GRXCR1: variants seen among roughly 807,000 people sequenced by gnomAD.
The protein encoded by GRXCR1 is glutaredoxin domain-containing cysteine-rich protein 1.
GRXCR1 carries 27 observed loss-of-function variants against 27.3 expected under a neutral mutation model. That is an observed-to-expected ratio of 0.99 (90% confidence interval 0.73 to 1.37). The LOEUF (loss-of-function observed/expected upper bound fraction) is 1.37. Ranked by LOEUF, GRXCR1 falls within the 40% of genes most tolerant of loss-of-function variation. The probability of loss-of-function intolerance (pLI) is 0.00; values close to 1 mark genes in which losing one functional copy is unlikely to be tolerated. For missense variants in GRXCR1, 379 were observed against 354.4 expected (o/e 1.07, Z -0.56); for synonymous variants, 122 against 131.1 (o/e 0.93, Z 0.47).
At chr4:42,927,922 G>A (rs1747210828) in intron 1 of GRXCR1, among the ~76,000 whole-genome samples, 1 of 151,958 alleles carries the variant, frequency 6.6e-6, no homozygotes, top group Admixed American at 6.6e-5. Flanking sequence ...AGCAGAGAAG[G>A]GAAGAAAACC....
At chr4:42,977,176 C>T (rs1026198713) in intron 2 of GRXCR1, among the ~76,000 whole-genome samples, 11 of 151,922 alleles carry the variant, frequency 7.2e-5, no homozygotes, top group Non-Finnish European at 1.5e-4. Context: ...AATAGTATTC[C>T]ATTGTGTATA....
intron 1 of GRXCR1, among the ~76,000 whole-genome samples, chr4:42,929,147 A>G (rs1560652816): frequency 1.3e-5 from 2 of 152,002 alleles, no homozygotes; most frequent in Non-Finnish European, 2.9e-5. Context: ...CTCTCTTATT[A>G]TATTGTGCAT....
At chr4:42,994,859 G>C (rs555678639) in intron 2 of GRXCR1, among the ~76,000 whole-genome samples, 1 of 152,180 alleles carries the variant, frequency 6.6e-6, no homozygotes, top group East Asian at 1.9e-4. Flanking sequence ...TTGCAATCTA[G>C]ATATTTTATT....
intron 2 of GRXCR1, among the ~76,000 whole-genome samples, chr4:43,015,793 A>G (rs1712913467): frequency 6.6e-6 from 1 of 151,406 alleles, no homozygotes. Flanking sequence ...ATATATGTAT[A>G]TATGTGCATT....
chr4:42,939,848 C>A (rs1747570895), intron 1 of GRXCR1, among the ~76,000 whole-genome samples: 1 of 151,942 alleles, frequency 6.6e-6, no homozygotes, highest in Non-Finnish European at 1.5e-5. Context: ...AGGGGTATAT[C>A]CTCCTCCACC....
chr4:42,919,915 G>T (rs998330899), intron 1 of GRXCR1, among the ~76,000 whole-genome samples: 1 of 152,072 alleles, frequency 6.6e-6, no homozygotes, highest in Admixed American at 6.6e-5. Context: ...ATATAATGTG[G>T]TTTGCGGGAG....
chr4:42,964,528 G>C (rs1748196165), intron 2 of GRXCR1, among the ~76,000 whole-genome samples: 2 of 152,102 alleles, frequency 1.3e-5, no homozygotes, highest in East Asian at 1.9e-4. Flanking sequence ...TCCTGTACCT[G>C]GAACAAAGTA....
intron 2 of GRXCR1, among the ~76,000 whole-genome samples, chr4:42,966,557 G>A (rs1748241975): frequency 1.3e-5 from 2 of 152,040 alleles, no homozygotes; most frequent in South Asian, 2.1e-4. Flanking sequence ...ACAAACTGTA[G>A]GTATATTTCT....
intron 2 of GRXCR1, among the ~76,000 whole-genome samples, chr4:42,973,687 C>A (rs778681798): frequency 6.6e-6 from 1 of 152,034 alleles, no homozygotes. Flanking sequence ...TAAGAACTCA[C>A]CTAAGTGGGT....
rs568559649 is a variant in GRXCR1 at position 42,949,674 on chromosome 4, C to T, written c.385-13218C>T. 6.6e-5 allele frequency among the ~76,000 whole-genome samples: 10 copies of T among 152,214 alleles called. No individual in the cohort carries two copies. In the South Asian group the frequency reaches 2.1e-3, roughly 32 times the overall value. ...TATAAAAAATATTAGCTTTCTGCAC[C>T]AACCAAGCTTTCATAAATGGCCTCT... On this transcript the variant is annotated intron_variant, in intron 1 of 3. Transcript: ENST00000399770.
chr4:43,007,300 G>GA (rs1712594119), intron 2 of GRXCR1, among the ~76,000 whole-genome samples: 1 of 152,118 alleles, frequency 6.6e-6, no homozygotes, highest in African/African-American at 2.4e-5. Flanking sequence ...GGAGCTAGAA[G>GA]AAAATGGAAA....
chr4:43,030,324 C>A, intron 3 of GRXCR1, 37 bp from the exon 4 acceptor site: 1 of 1,594,022 alleles, frequency 6.3e-7, no homozygotes, highest in Non-Finnish European at 8.6e-7. Context: ...GCTAACACAT[C>A]CTCTGTTTTC....
intron 2 of GRXCR1, among the ~76,000 whole-genome samples, chr4:43,007,745 T>C (rs999254351): frequency 7.2e-5 from 11 of 152,214 alleles, no homozygotes; most frequent in Non-Finnish European, 1.3e-4. Context: ...AGAGAATATT[T>C]GGTAGTGCCA....
chr4:42,982,741 T>C (rs1235572630), intron 2 of GRXCR1, among the ~76,000 whole-genome samples: 3 of 147,552 alleles, frequency 2.0e-5, no homozygotes, highest in South Asian at 2.3e-4. Context: ...TTTTAATGAT[T>C]GCCATTCTAA....
At chr4:43,005,299 A>T (rs981000194) in intron 2 of GRXCR1, among the ~76,000 whole-genome samples, 1 of 152,218 alleles carries the variant, frequency 6.6e-6, no homozygotes, top group African/African-American at 2.4e-5. Flanking sequence ...TTCACCAATT[A>T]CTGAGTCTCA....
In GRXCR1 at chr4:42,997,652, C is replaced by T. The variant is rs187114527; in HGVS notation, c.628-22702C>T. Among the ~76,000 whole-genome samples the T allele has an allele frequency of 5.3e-5, 8 of 152,270 alleles. No homozygotes were observed. The East Asian group carries it at 1.4e-3, about 26-fold the overall frequency. ...CTATGGGACTCTCACACTCAGGGTG[C>T]GCCATCTCCCTGATCACCCCAGGGC... On this transcript the variant is annotated intron_variant, in intron 2 of 3. Coordinates refer to ENST00000399770, the MANE Select transcript of GRXCR1 (RefSeq NM_001080476.3).
intron 2 of GRXCR1, among the ~76,000 whole-genome samples, chr4:42,995,034 T>A (rs1205577492): frequency 6.6e-6 from 1 of 152,188 alleles, no homozygotes; most frequent in Non-Finnish European, 1.5e-5. Flanking sequence ...GGACAATTTT[T>A]AATCTGTTTA....
At chr4:42,897,052 T>C (rs1746361087) in intron 1 of GRXCR1, among the ~76,000 whole-genome samples, 1 of 152,126 alleles carries the variant, frequency 6.6e-6, no homozygotes, top group South Asian at 2.1e-4. Context: ...TTATTCCTCA[T>C]TACTGGAAAA....
intron 2 of GRXCR1, among the ~76,000 whole-genome samples, chr4:43,012,838 A>G (rs1577945133): frequency 1.3e-5 from 2 of 152,320 alleles, no homozygotes; most frequent in African/African-American, 4.8e-5. Flanking sequence ...AAATCAGTTT[A>G]TCAATTGAAC....
Sources: allele counts gnomAD v4.1 joint callset (sites outside exome capture counted in the v4.1 genomes callset), GRCh38; gene constraint gnomAD v4.1.1; transcripts MANE v1.5; gene names NCBI Gene and HGNC (gene_info 2026-07-23, HGNC 2026-07-21).